The following WRAP73 variants were observed in gnomAD, a reference collection of about 807,000 sequenced individuals.
The protein encoded by WRAP73 is WD repeat-containing protein WRAP73.
Under a neutral mutation model 59.6 loss-of-function variants are expected in WRAP73, and 55 were observed. The observed-to-expected ratio is 0.92, with a 90% CI of 0.74 to 1.15. WRAP73 has a LOEUF of 1.15. Among genes scored for constraint, WRAP73 ranks in the 50% most tolerant of loss-of-function variants. The pLI is 0.00. For synonymous variants in WRAP73, 265 were observed against 258.2 expected (o/e 1.03, Z -0.25); for missense variants, 592 against 608.1 (o/e 0.97, Z 0.28).
chr1:3,637,306 C>T (rs556623643), intron 4 of WRAP73, among the ~76,000 whole-genome samples: 103 of 152,344 alleles, frequency 6.8e-4, no homozygotes, highest in African/African-American at 2.1e-3. Flanking sequence ...ACCCTCACAA[C>T]GCAGTGTGTG....
rs1415931903 is a variant in WRAP73 at position 3,646,837 on chromosome 1, C to T, written c.223-55G>A. On this transcript the variant is annotated intron_variant, in intron 2 of 11. Coordinates refer to ENST00000270708, the MANE Select transcript of WRAP73 (RefSeq NM_017818.4). The surrounding 1 kb of genome is among the most constrained non-coding windows in gnomAD (Gnocchi z 5.1). ...GTGCAAACTCATCAGCACCGAGAGA[C>T]AGCGAGGACAGCTCGCTTAAACGCA... The T allele has an allele frequency of 4.2e-5, 62 of 1,483,416 alleles. No homozygotes were observed. The highest frequency in any genetic ancestry group is 5.7e-5 in the Non-Finnish European group (61 of 1,073,744). The allele number at this position is 1,483,416 out of a possible 1,614,324, so 91.9% of individuals were successfully genotyped here.
chr1:3,637,133 G>C, intron 4 of WRAP73, 35 bp from the exon 5 acceptor site: 2 of 1,555,156 alleles, frequency 1.3e-6, no homozygotes, highest in Non-Finnish European at 1.8e-6. Context: ...AAATCAAGCG[G>C]CCACAAAATC....
intron 2 of WRAP73, 34 bp downstream of exon 2, chr1:3,647,374 G>A (rs1644701869): frequency 6.3e-7 from 1 of 1,583,488 alleles, no homozygotes; most frequent in African/African-American, 1.4e-5. Context: ...CCCTCAGAAG[G>A]TGTCCAGATT....
intron 8 of WRAP73, 139 bp from the exon 9 acceptor site, chr1:3,633,642 C>T (rs1345640092): frequency 2.4e-5 from 16 of 668,336 alleles, no homozygotes; most frequent in South Asian, 1.6e-4. Flanking sequence ...CCGGGAGAGA[C>T]GGAAGCACGA....
intron 6 of WRAP73, chr1:3,635,628 C>T: frequency 2.1e-6 from 1 of 477,940 alleles, no homozygotes; most frequent in Non-Finnish European, 3.8e-6. Flanking sequence ...CAAGAGCAGT[C>T]TGGGCAACAC....
intron 1 of WRAP73, 53 bp from the exon 2 acceptor site, chr1:3,647,613 G>A: frequency 6.3e-7 from 1 of 1,584,960 alleles, no homozygotes; most frequent in Non-Finnish European, 8.6e-7. Context: ...AAAAGAGGGG[G>A]GCCTTCGGAA....
At chr1:3,640,042 A>T (rs1427106570) in intron 3 of WRAP73, among the ~76,000 whole-genome samples, 1 of 152,246 alleles carries the variant, frequency 6.6e-6, no homozygotes, top group Non-Finnish European at 1.5e-5. Context: ...ACAGAAAAGA[A>T]AATCTGATGT....
intron 3 of WRAP73, among the ~76,000 whole-genome samples, chr1:3,644,968 A>G (rs1644675770): frequency 6.6e-6 from 1 of 152,216 alleles, no homozygotes; most frequent in South Asian, 2.1e-4. Flanking sequence ...CGGCTGCGTG[A>G]AAAGCTCAAA....
At position 3,630,970 on chromosome 1, in the gene WRAP73, C is replaced by T. The variant is rs116107430; in HGVS notation, c.*5G>A. 1.6e-3 allele frequency: 2,591 copies of T among 1,612,248 alleles called. 30 individuals carry two copies. In the African/African-American group the frequency reaches 0.028, roughly 17 times the overall value. The stretch of plus-strand genomic sequence containing the variant: ...CCTGTTTCTGCACACGTTAGTGCAC[C>T]GCTGCTACGTGTGGCCGCCCAGCTG... On this transcript the variant is annotated 3_prime_UTR_variant, in exon 12 of 12. Coordinates refer to ENST00000270708, the MANE Select transcript of WRAP73 (RefSeq NM_017818.4).
rs12730382 is a variant in WRAP73, at chr1:3,645,470, C to T, written c.339+1196G>A. 3.3e-3 allele frequency among the ~76,000 whole-genome samples: 466 copies of T among 139,266 alleles called. 5 individuals carry two copies. The highest frequency in any genetic ancestry group is 0.011 in the African/African-American group (428 of 37,322). 91.4% of individuals were successfully genotyped at this position (139,266 alleles called of 152,430 possible). A position where few individuals can be genotyped will look rare whatever the true frequency, so the allele number is the denominator to read the frequency against. On this transcript the variant is annotated intron_variant, in intron 3 of 11. Coordinates refer to ENST00000270708, the MANE Select transcript of WRAP73 (RefSeq NM_017818.4). ...CCGTGGTGTGCGCCGTGCAGCGGGA[C>T]GGGCGGGTTGCCCCGTGGTGTGCGC...
chr1:3,632,289 G>C lies in WRAP73; in HGVS notation c.972C>G (p.Thr324=). The change falls in exon 10 of 12, where the codon ACC becomes ACG. Residue 324 remains threonine (T), a synonymous_variant. Coordinates refer to ENST00000270708, the MANE Select transcript of WRAP73 (RefSeq NM_017818.4). The stretch of plus-strand genomic sequence containing the variant: ...TGCCGATTTTCGGGTTTGCTCTGTC[G>C]GTAACAGGTTTCAGTGTCTGTAAGG... The part of the protein sequence containing the change: ...PVSLQTLKPV[T]DRANPKIGIG... The C allele has an allele frequency of 2.5e-6, 4 of 1,614,144 alleles. No homozygotes were observed. Among genetic ancestry groups the C allele is most frequent in the Admixed American group, 3.3e-5 (2 of 60,022 alleles).
Position 3,638,920 on chromosome 1 carries a change from C to T in WRAP73, c.340-98G>A, listed in dbSNP as rs910037023. 1.9e-4 allele frequency: 260 copies of T among 1,365,180 alleles called. 5 individuals are homozygous for T. In the South Asian group the frequency reaches 3.0e-3, roughly 16 times the overall value. 84.6% of individuals were successfully genotyped at this position (1,365,180 alleles called of 1,614,324 possible). On this transcript the variant is annotated intron_variant, in intron 3 of 11. Coordinates refer to ENST00000270708, the MANE Select transcript of WRAP73 (RefSeq NM_017818.4). ...CGCCCACGCGTCCCCAAGCACAGGC[C>T]TGACTGCTGGAGTGGATCTATCAGG... is the stretch of plus-strand genomic sequence containing the variant.
intron 10 of WRAP73, chr1:3,631,961 C>T: frequency 7.1e-7 from 1 of 1,403,608 alleles, no homozygotes. Flanking sequence ...CCCAGCCCTG[C>T]TTTCTACTCA....
chr1:3,632,481 A>C, intron 9 of WRAP73, 143 bp from the exon 10 acceptor site: 1 of 1,357,834 alleles, frequency 7.4e-7, no homozygotes, highest in Non-Finnish European at 1.0e-6. Flanking sequence ...AAGGGCAGGA[A>C]GAGCTAAGCA....
Position 3,633,401 on chromosome 1 carries a change from T to C in WRAP73, c.919A>G (p.Lys307Glu), listed in dbSNP as rs939708483. Residue 307 changes from lysine to glutamate, a missense_variant, in exon 9 of 12, where the codon AAA (lysine) becomes GAA (glutamate). Coordinates refer to ENST00000270708, the MANE Select transcript of WRAP73 (RefSeq NM_017818.4). ...GAGPLPSSESKYEIASVPVSL... is the reference protein window; with the variant it reads ...GAGPLPSSESEYEIASVPVSL... ...TGACATCACATGTGCTACTTACATT[T>C]ACTCTCTGAGCTCGGGAGAGGGCCG... 6.2e-7 allele frequency: 1 copy of C among 1,612,554 alleles called. No individual in the cohort carries two copies. The highest frequency in any genetic ancestry group is 8.5e-7 in the Non-Finnish European group (1 of 1,179,644).
At chr1:3,647,815 T>G (rs1432880545) in intron 1 of WRAP73, among the ~76,000 whole-genome samples, 1 of 152,264 alleles carries the variant, frequency 6.6e-6, no homozygotes, top group Non-Finnish European at 1.5e-5. Flanking sequence ...AACTCGCTAC[T>G]TAAAGCTTTA....
In WRAP73 at chr1:3,631,530, C is replaced by T. The variant is rs757466982; in HGVS notation, c.1176G>A (p.Thr392=). The change falls in exon 11 of 12, where the codon ACG becomes ACA. Residue 392 remains threonine, a synonymous_variant. Transcript: ENST00000270708. ...DPQQPRLAIC[T]GGSRLYLWSP... is the part of the protein sequence containing the mutation. ...ACCACAGGTAGAGCCTGCTGCCTCC[C>T]GTGCAGATGGCCAGCCGCGGCTGCT... 10 of 1,610,444 alleles carry T rather than the reference C, an allele frequency of 6.2e-6. No individual in the cohort carries two copies. The Admixed American group carries it at 6.7e-5, about 11-fold the overall frequency.
intron 3 of WRAP73, among the ~76,000 whole-genome samples, chr1:3,645,966 G>A (rs1455082487): frequency 2.0e-5 from 3 of 152,178 alleles, no homozygotes; most frequent in Non-Finnish European, 2.9e-5. Flanking sequence ...AGGGAGTGCC[G>A]AAATCCTAAA....
chr1:3,640,195 G>A (rs970099975), intron 3 of WRAP73, among the ~76,000 whole-genome samples: 8 of 152,234 alleles, frequency 5.3e-5, no homozygotes, highest in African/African-American at 1.2e-4. Context: ...CACACTGGCC[G>A]TTCTGGGGAC....
Sources: allele counts gnomAD v4.1 joint callset (sites outside exome capture counted in the v4.1 genomes callset), GRCh38; gene constraint gnomAD v4.1.1; non-coding constraint Gnocchi (gnomAD v3.1); transcripts MANE v1.5; gene names NCBI Gene and HGNC (gene_info 2026-07-23, HGNC 2026-07-21).